The following CTDNEP1 variants were observed in gnomAD, a reference collection of about 807,000 sequenced individuals.
The protein encoded by CTDNEP1 is CTD nuclear envelope phosphatase 1.
A neutral mutation model predicts 30.1 loss-of-function variants in CTDNEP1; 3 were observed. The observed-to-expected ratio is 0.10, with a 90% CI of 0.05 to 0.26. The LOEUF is 0.26. CTDNEP1 is among the 10% of genes least tolerant of loss of function. The pLI, the probability that CTDNEP1 is intolerant of heterozygous loss-of-function variation, is 1.00. For synonymous variants in CTDNEP1, 123 were observed against 118.8 expected (o/e 1.04, Z -0.23); for missense variants, 158 against 310.4 (o/e 0.51, Z 3.69).
chr17:7,244,657 A>G, intron 6 of CTDNEP1, 22 bp from the exon 7 acceptor site: 1 of 1,530,062 alleles, frequency 6.5e-7, no homozygotes, highest in Admixed American at 2.1e-5. Context: ...GAAAATGCAG[A>G]TGAGAAGAAA....
intron 1 of CTDNEP1, among the ~76,000 whole-genome samples, chr17:7,247,736 G>T (rs1433871161): frequency 6.6e-6 from 1 of 151,542 alleles, no homozygotes; most frequent in African/African-American, 2.4e-5. Context: ...CAAAGTGCTG[G>T]GATTACAGGA....
In CTDNEP1 at chr17:7,251,483, G is replaced by C. The variant is rs1287407356; in HGVS notation, c.-187C>G. On this transcript the variant is annotated 5_prime_UTR_variant, in exon 1 of 8. Coordinates refer to ENST00000574322, the MANE Select transcript of CTDNEP1 (RefSeq NM_001143775.2). ...GCGAGGGTAAAGCCCAGCGGAACGG[G>C]GAGCTGGGGGACAGGCGTGGGCAGC... 7.2e-6 allele frequency: 3 copies of C among 415,296 alleles called. No homozygotes were observed. The highest frequency in any genetic ancestry group is 4.6e-5 in the Admixed American group (1 of 21,538). 25.7% of individuals were successfully genotyped at this position (415,296 alleles called of 1,614,324 possible).
chr17:7,246,765 G>C lies in CTDNEP1; in HGVS notation c.360+26C>G. 1.9e-6 allele frequency: 3 copies of C among 1,584,308 alleles called. No individual in the cohort carries two copies. The highest frequency in any genetic ancestry group is 2.6e-6 in the Non-Finnish European group (3 of 1,153,568). ...CCTAAAACCATTCCTTCATTACAGA[G>C]CTCCCTTTAGCTCTCCAAAACTCAC... On this transcript the variant is annotated intron_variant, in intron 4 of 7. Coordinates refer to ENST00000574322, the MANE Select transcript of CTDNEP1 (RefSeq NM_001143775.2). The surrounding 1 kb of genome is among the most constrained non-coding windows in gnomAD (Gnocchi z 4.9).
chr17:7,248,616 C>T (rs1001869509), intron 1 of CTDNEP1, among the ~76,000 whole-genome samples: 1 of 151,962 alleles, frequency 6.6e-6, no homozygotes, highest in African/African-American at 2.4e-5. Context: ...CTCAGCTTCC[C>T]AAAGTGCTGG....
upstream of CTDNEP1, chr17:7,251,877 TCCC>T: frequency 6.5e-6 from 1 of 154,568 alleles, no homozygotes; most frequent in Non-Finnish European, 1.4e-5. Flanking sequence ...GGCCTCCCCC[TCCC>T]CGAGCTCGGG....
chr17:7,244,052 C>T lies in CTDNEP1; in HGVS notation c.*133G>A. On this transcript the variant is annotated 3_prime_UTR_variant, in exon 8 of 8. Transcript: ENST00000574322. ...AGACTCCAAGTGGAGTGTAGGGCTC[C>T]CAGGGCAGAGAGGGGTGGGAGGGGC... is the stretch of plus-strand genomic sequence containing the variant. 6.8e-7 allele frequency: 1 copy of T among 1,478,316 alleles called. No homozygotes were observed. The highest frequency in any genetic ancestry group is 2.5e-4 in the Middle Eastern group (1 of 4,056). 91.6% of individuals were successfully genotyped at this position (1,478,316 alleles called of 1,614,324 possible).
At chr17:7,249,682 G>A (rs142549933) in intron 1 of CTDNEP1, among the ~76,000 whole-genome samples, 188 of 152,264 alleles carry the variant, frequency 1.2e-3, no homozygotes, top group African/African-American at 4.3e-3. Context: ...AGGCCAAGGC[G>A]GGCAGATCAC....
chr17:7,248,418 G>A (rs930058775), intron 1 of CTDNEP1, among the ~76,000 whole-genome samples: 4 of 142,368 alleles, frequency 2.8e-5, no homozygotes, highest in African/African-American at 1.1e-4. Flanking sequence ...GGAGTGCAGT[G>A]GCGCGATCTC....
chr17:7,251,844 G>A (rs555526730), upstream of CTDNEP1: 38 of 153,868 alleles, frequency 2.5e-4, no homozygotes, highest in South Asian at 3.8e-3. Context: ...GGAGCCGGAG[G>A]GCGCAGAGCG....
intron 1 of CTDNEP1, 41 bp downstream of exon 1, chr17:7,251,154 G>T: frequency 6.9e-7 from 1 of 1,448,012 alleles, no homozygotes; most frequent in Non-Finnish European, 9.4e-7. Context: ...CCCCAACACC[G>T]CCAGACGTCC....
At position 7,244,002 on chromosome 17, in the gene CTDNEP1, G is replaced by A. The variant is rs1055443410; in HGVS notation, c.*183C>T. On this transcript the variant is annotated 3_prime_UTR_variant, in exon 8 of 8. Transcript: ENST00000574322. ...CGAAGTTAAGAGTGAGGCTGCTTCA[G>A]AGCCCCTGGCCCATGTGTCCATCCA... 88 of 1,406,508 alleles carry A rather than the reference G, an allele frequency of 6.3e-5. No homozygotes were observed. Among genetic ancestry groups the A allele is most frequent in the Admixed American group, 2.3e-4 (8 of 34,508 alleles). 87.1% of individuals were successfully genotyped at this position (1,406,508 alleles called of 1,614,324 possible). A position where few individuals can be genotyped will look rare whatever the true frequency, so the allele number is the denominator to read the frequency against.
At chr17:7,247,415 C>A in intron 1 of CTDNEP1, 72 bp from the exon 2 acceptor site, 1 of 1,110,664 alleles carries the variant, frequency 9.0e-7, no homozygotes, top group Non-Finnish European at 1.4e-6. Flanking sequence ...ACAGGGAGCA[C>A]ATAATGAACA....
intron 6 of CTDNEP1, 169 bp from the exon 7 acceptor site, chr17:7,244,804 A>T: frequency 5.1e-6 from 3 of 582,568 alleles, no homozygotes; most frequent in South Asian, 4.2e-5. Context: ...CTAAGTTTTA[A>T]TCACCAGATC....
chr17:7,248,365 T>C (rs1229494078), intron 1 of CTDNEP1, among the ~76,000 whole-genome samples: 1 of 147,956 alleles, frequency 6.8e-6, no homozygotes, highest in Non-Finnish European at 1.5e-5. Context: ...TTTTTTTCTT[T>C]TTTTTTTTTT....
chr17:7,248,627 G>C (rs960664667), intron 1 of CTDNEP1, among the ~76,000 whole-genome samples: 5 of 151,178 alleles, frequency 3.3e-5, no homozygotes, highest in Non-Finnish European at 7.4e-5. Flanking sequence ...AAAGTGCTGG[G>C]ATTACAGGCA....
rs1357543145 is a variant in CTDNEP1 at position 7,251,177 on chromosome 17, G to A, written c.102+18C>T. The A allele has an allele frequency of 6.3e-7, 1 of 1,576,296 alleles. No individual in the cohort carries two copies. The highest frequency in any genetic ancestry group is 1.2e-5 in the South Asian group (1 of 86,150). On this transcript the variant is annotated intron_variant, in intron 1 of 7. Coordinates refer to ENST00000574322, the MANE Select transcript of CTDNEP1 (RefSeq NM_001143775.2). ...CCGCCAGACGTCCCCAACACCGCCA[G>A]CGCCCACCCTGGCTCACCGTGCGGA...
At chr17:7,251,045 C>T in intron 1 of CTDNEP1, 150 bp downstream of exon 1, 5 of 563,078 alleles carry the variant, frequency 8.9e-6, no homozygotes, top group South Asian at 2.6e-5. Context: ...GCTTAGGGTG[C>T]CCAATTCTCT....
intron 1 of CTDNEP1, among the ~76,000 whole-genome samples, chr17:7,247,994 G>A (rs927804938): frequency 6.6e-6 from 1 of 151,738 alleles, no homozygotes; most frequent in Non-Finnish European, 1.5e-5. Context: ...CAGGCGCAGT[G>A]GCTCATGCCT....
chr17:7,251,514 G>A lies in CTDNEP1; in HGVS notation c.-218C>T, dbSNP rs1004073932. 42 of 380,622 alleles carry A rather than the reference G, an allele frequency of 1.1e-4. No individual in the cohort carries two copies. The highest frequency in any genetic ancestry group is 2.3e-5 in the Non-Finnish European group (5 of 216,044). The allele number at this position is 380,622 out of a possible 1,614,324, so 23.6% of individuals were successfully genotyped here. On this transcript the variant is annotated 5_prime_UTR_variant, in exon 1 of 8. Coordinates refer to ENST00000574322, the MANE Select transcript of CTDNEP1 (RefSeq NM_001143775.2). The stretch of plus-strand genomic sequence containing the variant: ...GGGGGACAGGCGTGGGCAGCCCGCG[G>A]GGGCCCACATGGGCTGGGAGTGGCA...
Sources: allele counts gnomAD v4.1 joint callset (sites outside exome capture counted in the v4.1 genomes callset), GRCh38; gene constraint gnomAD v4.1.1; non-coding constraint Gnocchi (gnomAD v3.1); transcripts MANE v1.5; gene names NCBI Gene and HGNC (gene_info 2026-07-23, HGNC 2026-07-21).